The following TUSC3 variants were observed in gnomAD, a reference collection of about 807,000 sequenced individuals.
TUSC3 encodes tumor suppressor candidate 3.
In TUSC3, 45 loss-of-function variants were observed where a neutral mutation model predicts 44.8. That is an observed-to-expected ratio of 1.00 (90% CI 0.79 to 1.29). The LOEUF (loss-of-function observed/expected upper bound fraction) is 1.29. Ranked by LOEUF, TUSC3 falls within the 50% of genes most tolerant of loss-of-function variation. TUSC3 has a pLI of 0.00. For missense variants in TUSC3, 519 were observed against 437.9 expected, an observed-to-expected ratio of 1.19 and a Z score of -1.65; for synonymous variants, 212 against 152.9, an observed-to-expected ratio of 1.39 and a Z score of -2.85.
chr8:15,761,703 T>G (rs891110269), intron 10 of TUSC3, among the ~76,000 whole-genome samples: 13 of 152,294 alleles, frequency 8.5e-5, no homozygotes, highest in African/African-American at 3.1e-4. Context: ...CAAGGCTGCT[T>G]CTCACTCATT....
chr8:15,448,139 G>A (rs185389682), intron 1 of TUSC3, among the ~76,000 whole-genome samples: 858 of 13,866 alleles, frequency 0.062, 13 homozygotes, highest in African/African-American at 0.11. Context: ...TTATTTTTTA[G>A]ATGGAGTCTT....
intron 1 of TUSC3, among the ~76,000 whole-genome samples, chr8:15,620,946 T>C (rs1263635271): frequency 6.6e-6 from 1 of 152,106 alleles, no homozygotes; most frequent in African/African-American, 2.4e-5. Context: ...AGTAAGATTA[T>C]TGTAGAAATT....
At chr8:15,676,171 C>A (rs907119245) in intron 6 of TUSC3, among the ~76,000 whole-genome samples, 1 of 152,054 alleles carries the variant, frequency 6.6e-6, no homozygotes, top group Non-Finnish European at 1.5e-5. Context: ...ATTTGCATTT[C>A]TCTGATGATT....
chr8:15,797,721 T>G, the TUSC3 span, among the ~76,000 whole-genome samples: 4 of 152,176 alleles, frequency 2.6e-5, no homozygotes, highest in African/African-American at 9.6e-5. Context: ...GAATGAGAAC[T>G]ATTCTAGATG....
At chr8:15,468,546 A>G (rs1458262585) in intron 1 of TUSC3, among the ~76,000 whole-genome samples, 3 of 152,118 alleles carry the variant, frequency 2.0e-5, no homozygotes, top group Non-Finnish European at 4.4e-5. Context: ...TGAGTTATAC[A>G]TTACTAGATA....
intron 9 of TUSC3, among the ~76,000 whole-genome samples, chr8:15,753,360 C>A (rs1363516171): frequency 6.6e-6 from 1 of 152,030 alleles, no homozygotes; most frequent in African/African-American, 2.4e-5. Context: ...AGCAAGCTTT[C>A]ATAAATCCTT....
At chr8:15,834,568 A>G in the TUSC3 span, among the ~76,000 whole-genome samples, 1 of 152,190 alleles carries the variant, frequency 6.6e-6, no homozygotes, top group African/African-American at 2.4e-5. Context: ...TAAGAATAAC[A>G]ATACATTTTA....
chr8:15,457,858 AT>A (rs1278638100), intron 1 of TUSC3, among the ~76,000 whole-genome samples: 7 of 61,134 alleles, frequency 1.1e-4, no homozygotes, highest in Non-Finnish European at 2.7e-4. Flanking sequence ...TCTAATAATT[AT>A]CTAATAAATT....
chr8:15,632,790 A>G lies in TUSC3; in HGVS notation c.308+9541A>G, dbSNP rs548917240. Among the ~76,000 whole-genome samples, 33 of 152,252 alleles carry G rather than the reference A, an allele frequency of 2.2e-4. 1 individual carries two copies. In the Middle Eastern group the frequency reaches 0.024, roughly 110 times the overall value. ...AACTCAAAGATTCTTTTCATTCCCT[A>G]ATCCATTACTAGGATTATTCTTCTT... is the stretch of plus-strand genomic sequence containing the variant. On this transcript the variant is annotated intron_variant, in intron 2 of 10. Transcript: ENST00000503731.
intron 1 of TUSC3, among the ~76,000 whole-genome samples, chr8:15,589,082 T>C (rs1462176081): frequency 2.6e-5 from 4 of 152,222 alleles, no homozygotes; most frequent in Non-Finnish European, 5.9e-5. Flanking sequence ...TCTCTTCTTA[T>C]TTTCTTACTA....
intron 7 of TUSC3, among the ~76,000 whole-genome samples, chr8:15,740,864 G>C (rs1811162659): frequency 6.6e-6 from 1 of 152,108 alleles, no homozygotes; most frequent in East Asian, 1.9e-4. Context: ...ATAGTAGCAA[G>C]CATTTGGAAA....
At chr8:15,779,732 G>A in the TUSC3 span, among the ~76,000 whole-genome samples, 1 of 152,122 alleles carries the variant, frequency 6.6e-6, no homozygotes, top group Non-Finnish European at 1.5e-5. Flanking sequence ...TTTTTGGTAA[G>A]CATAAAAGTC....
At chr8:15,750,242 G>C (rs912987518) in intron 9 of TUSC3, among the ~76,000 whole-genome samples, 1 of 152,020 alleles carries the variant, frequency 6.6e-6, no homozygotes, top group Non-Finnish European at 1.5e-5. Context: ...GCCTCCCAAA[G>C]TGCTGGGATT....
At chr8:15,779,098 CTTTTTT>C in the TUSC3 span, among the ~76,000 whole-genome samples, 1 of 111,856 alleles carries the variant, frequency 8.9e-6, no homozygotes, top group Non-Finnish European at 1.8e-5. Flanking sequence ...CGAATGTTTT[CTTTTTT>C]TTTTTTTTTT....
intron 1 of TUSC3, among the ~76,000 whole-genome samples, chr8:15,580,875 A>G (rs1364318651): frequency 7.0e-6 from 1 of 141,962 alleles, no homozygotes; most frequent in African/African-American, 2.8e-5. Context: ...GCCTTGCTAG[A>G]TTGGGGAAGT....
chr8:15,640,522 G>C (rs1433379539), intron 2 of TUSC3, among the ~76,000 whole-genome samples: 1 of 152,172 alleles, frequency 6.6e-6, no homozygotes, highest in African/African-American at 2.4e-5. Context: ...GTCTTGGCAA[G>C]AAGTTATATA....
intron 2 of TUSC3, among the ~76,000 whole-genome samples, chr8:15,635,014 G>A (rs767280772): frequency 6.6e-6 from 1 of 151,928 alleles, no homozygotes; most frequent in African/African-American, 2.4e-5. Context: ...TAAAACAAGA[G>A]AACTCAGTGA....
chr8:15,816,741 C>G, the TUSC3 span, among the ~76,000 whole-genome samples: 1 of 152,116 alleles, frequency 6.6e-6, no homozygotes, highest in South Asian at 2.1e-4. Context: ...AACCAAACAG[C>G]CCTCACAGAG....
chr8:15,752,044 T>C (rs1277230539), intron 9 of TUSC3, among the ~76,000 whole-genome samples: 1 of 152,110 alleles, frequency 6.6e-6, no homozygotes, highest in Non-Finnish European at 1.5e-5. Context: ...AGAAAATACA[T>C]ACATCCATGA....
Sources: allele counts gnomAD v4.1 joint callset (sites outside exome capture counted in the v4.1 genomes callset), GRCh38; gene constraint gnomAD v4.1.1; transcripts MANE v1.5; gene names NCBI Gene and HGNC (gene_info 2026-07-23, HGNC 2026-07-21).